The following NEDD4L variants were observed in gnomAD, a reference collection of about 807,000 sequenced individuals.
The protein encoded by NEDD4L is E3 ubiquitin-protein ligase NEDD4-like.
NEDD4L carries 54 observed loss-of-function variants against 148.9 expected under a neutral mutation model. The observed-to-expected ratio is 0.36, with a 90% CI of 0.29 to 0.45. The LOEUF is 0.45. Among genes scored for constraint, NEDD4L ranks in the 20% least tolerant of loss-of-function variants. The probability of loss-of-function intolerance (pLI) is 1.00; values close to 1 mark genes in which losing one functional copy is unlikely to be tolerated. For missense variants in NEDD4L, 856 were observed against 1,233.8 expected (o/e 0.69, Z 4.59); for synonymous variants, 433 against 440.7 (o/e 0.98, Z 0.22).
At chr18:58,335,984 T>C (rs2041699432) in intron 13 of NEDD4L, 1 of 159,920 alleles carries the variant, frequency 6.3e-6, no homozygotes, top group South Asian at 1.8e-4. Flanking sequence ...ACCACATTTT[T>C]CACAGGGGGT....
In NEDD4L at chr18:58,366,561, A is replaced by C. The variant is rs2046131996; in HGVS notation, c.2063+333A>C. The stretch of plus-strand genomic sequence containing the variant: ...GGACTTGTCAGTGTTAGAATTCAAA[A>C]ACAAAGGAGGTGTTTTTTGAACAAG... On this transcript the variant is annotated intron_variant, in intron 21 of 30. Coordinates refer to ENST00000400345, the MANE Select transcript of NEDD4L (RefSeq NM_001144967.3). This position sits in a 1 kb window ranked among gnomAD's most constrained non-coding sequence, Gnocchi z 4.2. The C allele has an allele frequency of 4.9e-6, 1 of 203,626 alleles. No individual in the cohort carries two copies. The highest frequency in any genetic ancestry group is 5.8e-5 in the Admixed American group (1 of 17,204). 12.6% of individuals were successfully genotyped at this position (203,626 alleles called of 1,614,324 possible). A position where few individuals can be genotyped will look rare whatever the true frequency, so the allele number is the denominator to read the frequency against.
At chr18:58,378,599 C>T (rs756924295) in intron 24 of NEDD4L, among the ~76,000 whole-genome samples, 1 of 152,126 alleles carries the variant, frequency 6.6e-6, no homozygotes, top group Non-Finnish European at 1.5e-5. Context: ...TCGGTAGTTG[C>T]GCTGCTGGAG....
In NEDD4L at chr18:58,305,982, T is replaced by G. The variant is rs576866721; in HGVS notation, c.298-10000T>G. ...GTTCCTTCATTATTTTGTCCTCCAG[T>G]GGCTTTTATACCCAGCAAAGTGGAC... On this transcript the variant is annotated intron_variant, in intron 5 of 30. Transcript: ENST00000400345. Among the ~76,000 whole-genome samples the G allele has an allele frequency of 3.9e-5, 6 of 152,310 alleles. No homozygotes were observed. The East Asian group carries it at 1.2e-3, about 29-fold the overall frequency.
chr18:58,167,536 C>T (rs2037013315), intron 2 of NEDD4L, among the ~76,000 whole-genome samples: 1 of 152,204 alleles, frequency 6.6e-6, no homozygotes, highest in African/African-American at 2.4e-5. Flanking sequence ...TGTCTTTCCT[C>T]TCCTAATCCC....
chr18:58,281,827 C>T (rs554149628), intron 5 of NEDD4L, among the ~76,000 whole-genome samples: 3 of 151,940 alleles, frequency 2.0e-5, no homozygotes, highest in African/African-American at 4.8e-5. Context: ...AGATCGAGAC[C>T]GTCCTGGCTA....
chr18:58,170,104 C>A (rs547230576), intron 2 of NEDD4L, among the ~76,000 whole-genome samples: 15 of 152,308 alleles, frequency 9.8e-5, no homozygotes, highest in Admixed American at 7.8e-4. Context: ...TCCTCCCTCT[C>A]TCCTTCCCTC....
chr18:58,373,353 G>A (rs2047142901), intron 24 of NEDD4L, 84 bp downstream of exon 24: 1 of 777,244 alleles, frequency 1.3e-6, no homozygotes, highest in African/African-American at 1.7e-5. Context: ...AACTTTGCTG[G>A]ACCATCAGAA....
chr18:58,096,013 G>A (rs2084369900), intron 1 of NEDD4L, among the ~76,000 whole-genome samples: 1 of 151,964 alleles, frequency 6.6e-6, no homozygotes, highest in Admixed American at 6.6e-5. Context: ...GTGTGGCCCA[G>A]GGAAGCCAAA....
At chr18:58,148,979 C>G (rs781030727) in intron 1 of NEDD4L, among the ~76,000 whole-genome samples, 9 of 152,300 alleles carry the variant, frequency 5.9e-5, no homozygotes, top group Non-Finnish European at 4.4e-5. Context: ...GCCTCCAGAC[C>G]TATGAGGAGC....
chr18:58,318,271 A>G (rs972899718), intron 6 of NEDD4L, among the ~76,000 whole-genome samples: 2 of 152,246 alleles, frequency 1.3e-5, no homozygotes, highest in Non-Finnish European at 2.9e-5. Flanking sequence ...ATAAAAGGAA[A>G]TAGACCAGGC....
In NEDD4L at chr18:58,344,898, A is replaced by G. The variant is rs1270962238; in HGVS notation, c.1575+1795A>G. ...TAAGGAGCCACTGTGGCTTGCCAAC[A>G]TAAGCTATGATTTTAGTAATTTTAA... On this transcript the variant is annotated intron_variant, in intron 16 of 30. Coordinates refer to ENST00000400345, the MANE Select transcript of NEDD4L (RefSeq NM_001144967.3). Among the ~76,000 whole-genome samples the G allele has an allele frequency of 2.6e-5, 4 of 152,222 alleles. No homozygotes were observed. The East Asian group carries it at 5.8e-4, about 22-fold the overall frequency.
intron 1 of NEDD4L, among the ~76,000 whole-genome samples, chr18:58,052,294 G>T (rs2081909598): frequency 6.6e-6 from 1 of 152,192 alleles, no homozygotes; most frequent in South Asian, 2.1e-4. Flanking sequence ...GCGATGTAAA[G>T]ATCTGGGCCT....
At chr18:58,184,248 A>G (rs1047586158) in intron 2 of NEDD4L, among the ~76,000 whole-genome samples, 2 of 152,104 alleles carry the variant, frequency 1.3e-5, no homozygotes, top group Non-Finnish European at 2.9e-5. Context: ...TCTTTTAGGA[A>G]TTGCCATGTT....
intron 1 of NEDD4L, among the ~76,000 whole-genome samples, chr18:58,138,208 G>A (rs1032124734): frequency 1.3e-5 from 2 of 152,210 alleles, no homozygotes; most frequent in African/African-American, 4.8e-5. Flanking sequence ...AAATAAATAG[G>A]ATTCACTAAA....
chr18:58,272,637 A>G (rs1176610762), intron 5 of NEDD4L, among the ~76,000 whole-genome samples: 1 of 152,076 alleles, frequency 6.6e-6, no homozygotes, highest in East Asian at 1.9e-4. Flanking sequence ...CTCAAAGAAA[A>G]AAAAAAAAAA....
intron 17 of NEDD4L, among the ~76,000 whole-genome samples, chr18:58,350,181 G>C (rs2043693936): frequency 1.3e-5 from 2 of 152,274 alleles, no homozygotes; most frequent in South Asian, 2.1e-4. Flanking sequence ...AAAGCCGTAG[G>C]GGGTGACAGG....
intron 5 of NEDD4L, among the ~76,000 whole-genome samples, chr18:58,271,288 C>G (rs2051005861): frequency 6.6e-6 from 1 of 151,702 alleles, no homozygotes; most frequent in South Asian, 2.1e-4. Flanking sequence ...TATGGAAGAA[C>G]CCTGAAAAAA....
At chr18:58,358,933 A>G (rs2045093321) in intron 19 of NEDD4L, among the ~76,000 whole-genome samples, 1 of 152,086 alleles carries the variant, frequency 6.6e-6, no homozygotes, top group African/African-American at 2.4e-5. Flanking sequence ...TGTCTAGAGA[A>G]TATTTATTAT....
At chr18:58,257,370 A>G (rs1013288730) in intron 5 of NEDD4L, among the ~76,000 whole-genome samples, 1 of 152,102 alleles carries the variant, frequency 6.6e-6, no homozygotes, top group Non-Finnish European at 1.5e-5. Flanking sequence ...GTAATACTGA[A>G]CGAGAGTAGT....
Sources: allele counts gnomAD v4.1 joint callset (sites outside exome capture counted in the v4.1 genomes callset), GRCh38; gene constraint gnomAD v4.1.1; non-coding constraint Gnocchi (gnomAD v3.1); transcripts MANE v1.5; gene names NCBI Gene and HGNC (gene_info 2026-07-23, HGNC 2026-07-21).